The following SEZ6L variants were observed in gnomAD, a reference collection of about 807,000 sequenced individuals.
SEZ6L encodes the protein seizure 6-like protein.
In SEZ6L, 37 loss-of-function variants were observed where a neutral mutation model predicts 106.2. The observed-to-expected ratio is 0.35, with a 90% CI of 0.27 to 0.46. The LOEUF (loss-of-function observed/expected upper bound fraction) is 0.46, where lower values mean the gene tolerates loss of function less well. SEZ6L is among the 20% of genes least tolerant of loss of function. The pLI is 1.00. For synonymous variants in SEZ6L, 541 were observed against 570.4 expected (o/e 0.95, Z 0.73); for missense variants, 1,172 against 1,332.8 (o/e 0.88, Z 1.88).
intron 10 of SEZ6L, 75 bp from the exon 11 acceptor site, chr22:26,347,644 C>A: frequency 7.7e-7 from 1 of 1,302,820 alleles, no homozygotes; most frequent in Non-Finnish European, 1.1e-6. Context: ...TCGCTCATCC[C>A]TCTAGCCGTC....
At chr22:26,172,280 C>A (rs1158863562) in intron 1 of SEZ6L, among the ~76,000 whole-genome samples, 1 of 152,150 alleles carries the variant, frequency 6.6e-6, no homozygotes, top group Non-Finnish European at 1.5e-5. Flanking sequence ...AGACTATTTT[C>A]ATTATGGATT....
At chr22:26,180,497 T>C (rs1302565392) in intron 1 of SEZ6L, among the ~76,000 whole-genome samples, 1 of 152,230 alleles carries the variant, frequency 6.6e-6, no homozygotes, top group Admixed American at 6.5e-5. Context: ...TATGCAGTCT[T>C]CAGCTATGAC....
chr22:26,334,944 C>T (rs746465524), intron 9 of SEZ6L, among the ~76,000 whole-genome samples: 1 of 152,226 alleles, frequency 6.6e-6, no homozygotes, highest in African/African-American at 2.4e-5. Context: ...TGGAGTCAAA[C>T]TGCCATCCCG....
At chr22:26,244,314 A>T (rs979506415) in intron 1 of SEZ6L, 1 of 152,348 alleles carries the variant, frequency 6.6e-6, no homozygotes, top group East Asian at 1.9e-4. Flanking sequence ...GTGCCCTGTT[A>T]TGTGAATGAC....
rs566191413 is a variant in SEZ6L, at chr22:26,370,146, G to A, written c.2795-3305G>A. ...GCCTGTAATCCCAGCACTTTGGGAG[G>A]CCAAGGCAGGTGGATCACGAGGTCA... On this transcript the variant is annotated intron_variant, in intron 13 of 16. Coordinates refer to ENST00000248933, the MANE Select transcript of SEZ6L (RefSeq NM_021115.5). 4.6e-5 allele frequency among the ~76,000 whole-genome samples: 7 copies of A among 152,272 alleles called. No homozygotes were observed. In the South Asian group the frequency reaches 1.2e-3, roughly 27 times the overall value.
At chr22:26,213,179 C>T (rs1328193970) in intron 1 of SEZ6L, among the ~76,000 whole-genome samples, 1 of 152,168 alleles carries the variant, frequency 6.6e-6, no homozygotes, top group Non-Finnish European at 1.5e-5. Context: ...CCCTGACCCC[C>T]AGGTTTTCTT....
intron 9 of SEZ6L, among the ~76,000 whole-genome samples, chr22:26,329,956 A>G (rs1293174307): frequency 6.6e-6 from 1 of 152,200 alleles, no homozygotes; most frequent in Non-Finnish European, 1.5e-5. Context: ...CCTATGATTT[A>G]TTTCATCACT....
chr22:26,329,822 T>C (rs1333902729), intron 9 of SEZ6L, among the ~76,000 whole-genome samples: 1 of 152,218 alleles, frequency 6.6e-6, no homozygotes, highest in Non-Finnish European at 1.5e-5. Context: ...AGAAAATAGA[T>C]ACAAAACAAC....
At chr22:26,296,570 T>C (rs1371182719) in intron 3 of SEZ6L, among the ~76,000 whole-genome samples, 2 of 152,172 alleles carry the variant, frequency 1.3e-5, no homozygotes, top group African/African-American at 4.8e-5. Context: ...CAGGATAATC[T>C]ATCCCACCCA....
intron 1 of SEZ6L, among the ~76,000 whole-genome samples, chr22:26,208,465 CT>C (rs1332299194): frequency 1.3e-5 from 2 of 152,104 alleles, no homozygotes; most frequent in Non-Finnish European, 2.9e-5. Flanking sequence ...GTATAGAAAT[CT>C]ATTTTGAAAA....
intron 12 of SEZ6L, among the ~76,000 whole-genome samples, chr22:26,354,173 A>G (rs2083365622): frequency 6.6e-6 from 1 of 152,216 alleles, no homozygotes; most frequent in African/African-American, 2.4e-5. Flanking sequence ...AGTATCTGTA[A>G]CTGTGGATTT....
chr22:26,246,008 G>A (rs893294554), intron 1 of SEZ6L, among the ~76,000 whole-genome samples: 4 of 152,198 alleles, frequency 2.6e-5, no homozygotes, highest in Non-Finnish European at 4.4e-5. Flanking sequence ...ATGAGTTTTC[G>A]AGAAATTGTT....
At chr22:26,234,134 CTGACCACCTTG>C (rs1409112019) in intron 1 of SEZ6L, among the ~76,000 whole-genome samples, 1 of 152,224 alleles carries the variant, frequency 6.6e-6, no homozygotes, top group African/African-American at 2.4e-5. Context: ...AGAGGACTTC[CTGACCACCTTG>C]TGGAAACTGG....
At chr22:26,178,422 G>A (rs1204055037) in intron 1 of SEZ6L, among the ~76,000 whole-genome samples, 1 of 152,216 alleles carries the variant, frequency 6.6e-6, no homozygotes, top group Non-Finnish European at 1.5e-5. Flanking sequence ...AACCCACTGG[G>A]GATCTGGGAT....
In SEZ6L at chr22:26,296,942, G is replaced by T. The variant is rs1178915499; in HGVS notation, c.1024G>T (p.Gly342Cys). The change falls in exon 4 of 17, where the codon GGC becomes TGC. Residue 342 changes from glycine to cysteine, a missense_variant. By Grantham distance (159) the Gly-to-Cys change is radical (BLOSUM62 -3). Transcript: ENST00000248933. ...GELLSIRGVD[G>C]PTLTVLANQT... ...ACTGCTCTCCATCCGCGGGGTGGACGGCCCTACCCTGACCGTCCTGGCCAA... is the reference window on the plus strand; with the variant it reads ...ACTGCTCTCCATCCGCGGGGTGGACTGCCCTACCCTGACCGTCCTGGCCAA... The T allele has an allele frequency of 6.2e-7, 1 of 1,613,178 alleles. No individual in the cohort carries two copies. Among genetic ancestry groups the T allele is most frequent in the Non-Finnish European group, 8.5e-7 (1 of 1,179,534 alleles).
At chr22:26,250,584 G>A (rs1210895) in intron 1 of SEZ6L, among the ~76,000 whole-genome samples, 32,467 of 152,088 alleles carry the variant, frequency 0.21, 4,052 homozygotes, top group South Asian at 0.32. Context: ...ATATTTTGAA[G>A]TCAGGTAGTA....
chr22:26,313,791 T>C lies in SEZ6L; in HGVS notation c.1904T>C (p.Val635Ala), dbSNP rs1388368175. ...RAMCGGELSA[V>A]AGVVLSPNWP... ...ATGTGTGGTGGGGAGCTCTCTGCTG[T>C]GGCTGGGGTGGTATTGTCCCCAAAC... Residue 635 changes from valine to alanine, a missense_variant, in exon 9 of 17, where the codon GTG (valine) becomes GCG (alanine). Physicochemically the swap from Val to Ala is moderately conservative, Grantham distance 64. Around this residue, in one of 4 missense-constraint regions of SEZ6L, gnomAD observed 534 missense variants for 691.0 expected, o/e 0.77. Transcript: ENST00000248933. 14 of 1,611,798 alleles carry C rather than the reference T, an allele frequency of 8.7e-6. No homozygotes were observed. Among genetic ancestry groups the C allele is most frequent in the Non-Finnish European group, 1.2e-5 (14 of 1,178,094 alleles).
intron 12 of SEZ6L, among the ~76,000 whole-genome samples, chr22:26,351,625 C>A (rs1338085540): frequency 1.3e-5 from 2 of 152,266 alleles, no homozygotes; most frequent in Middle Eastern, 3.4e-3. Flanking sequence ...TGGCTCACTG[C>A]AATCTCCGCC....
intron 1 of SEZ6L, among the ~76,000 whole-genome samples, chr22:26,263,004 T>G (rs888802629): frequency 2.6e-5 from 4 of 152,202 alleles, no homozygotes; most frequent in Non-Finnish European, 4.4e-5. Context: ...CCATTCAGTC[T>G]CAGAATTAAT....
Sources: gnomAD v4.1 joint callset for allele counts (sites outside exome capture counted in the v4.1 genomes callset) on GRCh38, gnomAD v4.1.1 for gene constraint, gnomAD v4.1.1 regional missense constraint, MANE v1.5 for transcripts, NCBI Gene and HGNC (gene_info 2026-07-23, HGNC 2026-07-21) for gene names.